The following STK32B variants were observed in gnomAD, a reference collection of about 807,000 sequenced individuals.
STK32B encodes the protein serine/threonine kinase 32B.
Under a neutral mutation model 52.6 loss-of-function variants are expected in STK32B, and 43 were observed. The ratio of observed to expected loss-of-function variants is 0.82; its 90% CI spans 0.64 to 1.05. The LOEUF (loss-of-function observed/expected upper bound fraction) is 1.05. Ranked by LOEUF, STK32B falls within the 50% of genes least tolerant of loss-of-function variation. STK32B has a pLI of 0.00. For synonymous variants in STK32B, 238 were observed against 204.3 expected (o/e 1.17, Z -1.41); for missense variants, 621 against 534.6 (o/e 1.16, Z -1.59).
At chr4:5,162,737 A>G (rs1027402346) in intron 2 of STK32B, among the ~76,000 whole-genome samples, 2 of 152,176 alleles carry the variant, frequency 1.3e-5, no homozygotes, top group African/African-American at 2.4e-5. Context: ...TCCTGTGGAA[A>G]AAGGCTCTGA....
intron 3 of STK32B, among the ~76,000 whole-genome samples, chr4:5,272,239 T>C (rs1441673342): frequency 6.8e-6 from 1 of 146,118 alleles, no homozygotes; most frequent in Non-Finnish European, 1.5e-5. Flanking sequence ...TGTCAAAGGC[T>C]TTTTCTGCAT....
chr4:5,157,090 T>C (rs1717915442), intron 2 of STK32B, among the ~76,000 whole-genome samples: 1 of 152,130 alleles, frequency 6.6e-6, no homozygotes, highest in Admixed American at 6.5e-5. Flanking sequence ...TTTAGATGAA[T>C]GTTTGTAAGG....
intron 3 of STK32B, among the ~76,000 whole-genome samples, 186 bp from the exon 4 acceptor site, chr4:5,331,034 A>T (rs1430998062): frequency 6.6e-6 from 1 of 151,994 alleles, no homozygotes; most frequent in Non-Finnish European, 1.5e-5. Context: ...ACCCCAACAA[A>T]TGTGGAGGCA....
intron 3 of STK32B, among the ~76,000 whole-genome samples, chr4:5,196,961 T>C (rs76218450): frequency 0.038 from 5,829 of 152,028 alleles, 371 homozygotes; most frequent in African/African-American, 0.13. Context: ...GTCCTCTCCT[T>C]TCAAATCTCT....
intron 1 of STK32B, among the ~76,000 whole-genome samples, chr4:5,060,627 C>T (rs28839575): frequency 0.019 from 2,859 of 152,096 alleles, 85 homozygotes; most frequent in African/African-American, 0.066. Context: ...TTTTATTTCA[C>T]TTAGGAGTTT....
chr4:5,337,662 A>G (rs1577366167), intron 4 of STK32B, among the ~76,000 whole-genome samples: 1 of 152,124 alleles, frequency 6.6e-6, no homozygotes, highest in East Asian at 1.9e-4. Context: ...GCCTTGAGAG[A>G]TTTATTTAGC....
At chr4:5,416,812 C>T (rs168985) in intron 5 of STK32B, 33 bp from the exon 6 acceptor site, 1,266,653 of 1,600,694 alleles carry the variant, frequency 0.79, 503,224 homozygotes, top group East Asian at 0.92. Flanking sequence ...CTGCAGCCCA[C>T]GCTAACTGGA....
At chr4:5,439,383 T>G (rs1714473591) in intron 6 of STK32B, among the ~76,000 whole-genome samples, 1 of 151,998 alleles carries the variant, frequency 6.6e-6, no homozygotes, top group South Asian at 2.1e-4. Context: ...ATGTGTTTTT[T>G]GGCTGCATAA....
At chr4:5,257,795 T>C (rs939288012) in intron 3 of STK32B, among the ~76,000 whole-genome samples, 2 of 152,204 alleles carry the variant, frequency 1.3e-5, no homozygotes, top group African/African-American at 4.8e-5. Context: ...ATACAAAAAT[T>C]AGCTCTGTGT....
At chr4:5,180,272 C>T (rs1720254255) in intron 3 of STK32B, among the ~76,000 whole-genome samples, 1 of 152,232 alleles carries the variant, frequency 6.6e-6, no homozygotes, top group Non-Finnish European at 1.5e-5. Flanking sequence ...TGTCCTAATG[C>T]TTCCAGTTCT....
intron 6 of STK32B, among the ~76,000 whole-genome samples, chr4:5,445,717 AG>A (rs2109119883): frequency 6.6e-6 from 1 of 152,334 alleles, no homozygotes; most frequent in Non-Finnish European, 1.5e-5. Flanking sequence ...AGTAGCATTC[AG>A]TACATTCACA....
At chr4:5,140,243 G>GAA in intron 2 of STK32B, 1 of 1,439,628 alleles carries the variant, frequency 6.9e-7, no homozygotes, top group Non-Finnish European at 9.2e-7. Context: ...GAGGAAAGTT[G>GAA]AAAAAAAACC....
chr4:5,223,052 A>C (rs1723638776), intron 3 of STK32B, among the ~76,000 whole-genome samples: 1 of 152,194 alleles, frequency 6.6e-6, no homozygotes, highest in Admixed American at 6.5e-5. Flanking sequence ...GACCATCTCA[A>C]GTCTCTGGTT....
At chr4:5,340,512 C>T (rs558529408) in intron 4 of STK32B, among the ~76,000 whole-genome samples, 1 of 152,290 alleles carries the variant, frequency 6.6e-6, no homozygotes, top group East Asian at 1.9e-4. Flanking sequence ...ACAGACCCTG[C>T]TTTTCTCATT....
the STK32B span, among the ~76,000 whole-genome samples, chr4:5,038,732 GAGTGAGTAGCT>G: frequency 1.1e-3 from 161 of 152,326 alleles, no homozygotes; most frequent in African/African-American, 3.6e-3. Flanking sequence ...TGCTCTGGAT[GAGTGAGTAGCT>G]GGTGAGTGAA....
chr4:5,190,767 G>C (rs113042148), intron 3 of STK32B, among the ~76,000 whole-genome samples: 2 of 152,104 alleles, frequency 1.3e-5, no homozygotes, highest in Admixed American at 1.3e-4. Context: ...ACATCGGGGC[G>C]GCTGTCTGAA....
At chr4:5,336,486 A>G (rs1034932204) in intron 4 of STK32B, among the ~76,000 whole-genome samples, 1 of 152,206 alleles carries the variant, frequency 6.6e-6, no homozygotes, top group African/African-American at 2.4e-5. Context: ...CTCTGGAAAC[A>G]TCAAAATAAC....
rs1560133242 is a variant in STK32B, at chr4:5,064,469, T to TAAATATATACTTATATACATATA, written c.52+12555_52+12556insAATATATACTTATATACATATAA. Among the ~76,000 whole-genome samples, 40 of 84,954 alleles carry TAAATATATACTTATATACATATA rather than the reference T, an allele frequency of 4.7e-4. 8 individuals are homozygous for TAAATATATACTTATATACATATA. Among genetic ancestry groups the TAAATATATACTTATATACATATA allele is most frequent in the African/African-American group, 1.6e-3 (38 of 24,324 alleles). The allele number at this position is 84,954 out of a possible 152,430, so 55.7% of individuals were successfully genotyped here. A position where few individuals can be genotyped will look rare whatever the true frequency, so the allele number is the denominator to read the frequency against. ...TAAATATATACTTATATACATATAA[T>TAAATATATACTTATATACATATA]ATATAAATATATACTTATGTTATAT... On this transcript the variant is annotated intron_variant, in intron 1 of 11. Transcript: ENST00000282908.
chr4:5,274,887 C>T (rs1420149397), intron 3 of STK32B, among the ~76,000 whole-genome samples: 3 of 152,208 alleles, frequency 2.0e-5, no homozygotes, highest in African/African-American at 4.8e-5. Flanking sequence ...CCTGATCCAG[C>T]GAGGCGCCCA....
Sources: allele counts gnomAD v4.1 joint callset (sites outside exome capture counted in the v4.1 genomes callset), GRCh38; gene constraint gnomAD v4.1.1; transcripts MANE v1.5; gene names NCBI Gene and HGNC (gene_info 2026-07-23, HGNC 2026-07-21).